Variants in KCNJ12 observed in about 807,000 individuals in gnomAD.
KCNJ12 encodes potassium inwardly rectifying channel subfamily J member 12, also known as ATP-sensitive inward rectifier potassium channel 12.
A neutral mutation model predicts 22.3 loss-of-function variants in KCNJ12; 2 were observed. That is an observed-to-expected ratio of 0.09 (90% CI 0.04 to 0.28). KCNJ12 has a LOEUF of 0.28. Among genes scored for constraint, KCNJ12 ranks in the 10% least tolerant of loss-of-function variants. KCNJ12 has a pLI of 1.00. For missense variants in KCNJ12, 155 were observed against 633.3 expected, an observed-to-expected ratio of 0.24 and a Z score of 8.11; for synonymous variants, 117 against 261.4, an observed-to-expected ratio of 0.45 and a Z score of 5.33.
chr17:21,383,415 T>C (rs1597553711), intron 1 of KCNJ12, among the ~76,000 whole-genome samples: 1 of 151,572 alleles, frequency 6.6e-6, no homozygotes, highest in Non-Finnish European at 1.5e-5. Context: ...CCAGAGAGGG[T>C]CCAGGGGAGC....
At chr17:21,401,288 C>T (rs1905610483) in intron 1 of KCNJ12, among the ~76,000 whole-genome samples, 3 of 152,240 alleles carry the variant, frequency 2.0e-5, no homozygotes, top group South Asian at 2.1e-4. Flanking sequence ...GGGTTGGCTG[C>T]ATCCCCAGGC....
chr17:21,390,515 C>T (rs782708342), intron 1 of KCNJ12, among the ~76,000 whole-genome samples: 25 of 152,086 alleles, frequency 1.6e-4, no homozygotes, highest in Middle Eastern at 3.2e-3. Context: ...GAAGCGGGGC[C>T]GGTGGCCAGA....
At chr17:21,412,032 A>T (rs1202377211) in intron 2 of KCNJ12, among the ~76,000 whole-genome samples, 4 of 152,064 alleles carry the variant, frequency 2.6e-5, no homozygotes, top group Admixed American at 6.5e-5. Flanking sequence ...TCTCTCTCAC[A>T]CACACACACA....
At chr17:21,402,524 G>A (rs1905680876) in intron 1 of KCNJ12, among the ~76,000 whole-genome samples, 1 of 152,308 alleles carries the variant, frequency 6.6e-6, no homozygotes, top group Admixed American at 6.5e-5. Context: ...GGGGCCTGGG[G>A]CAGAGCGATA....
chr17:21,384,648 T>C (rs1310797189), intron 1 of KCNJ12, among the ~76,000 whole-genome samples: 6 of 152,052 alleles, frequency 3.9e-5, no homozygotes, highest in African/African-American at 1.4e-4. Context: ...CTTTAGCCTC[T>C]CTTCTTCCCT....
At chr17:21,408,118 G>A (rs1906090457) in intron 1 of KCNJ12, among the ~76,000 whole-genome samples, 1 of 152,310 alleles carries the variant, frequency 6.6e-6, no homozygotes, top group South Asian at 2.1e-4. Flanking sequence ...TACAGGCTGA[G>A]GGCCTGAATT....
chr17:21,398,994 T>C (rs1292921437), intron 1 of KCNJ12, among the ~76,000 whole-genome samples: 2 of 152,192 alleles, frequency 1.3e-5, no homozygotes, highest in African/African-American at 4.8e-5. Flanking sequence ...ATGTGTGCCT[T>C]AGGGGTGGAG....
rs1169474669 is a variant in KCNJ12, at chr17:21,408,629, A to T, written c.-68A>T. ...CACTCAGCACCATTACATAGAAGAT[A>T]GAACTCAAGAGGTAAGAGTGAAGTC... On this transcript the variant is annotated 5_prime_UTR_variant, in exon 2 of 3. Coordinates refer to ENST00000583088, the MANE Select transcript of KCNJ12 (RefSeq NM_021012.5). The T allele has an allele frequency of 6.6e-6, 1 of 152,542 alleles. No homozygotes were observed. Among genetic ancestry groups the T allele is most frequent in the Admixed American group, 6.5e-5 (1 of 15,294 alleles). The allele number at this position is 152,542 out of a possible 1,614,324, so 9.4% of individuals were successfully genotyped here.
intron 1 of KCNJ12, among the ~76,000 whole-genome samples, chr17:21,381,440 T>C (rs1266078223): frequency 1.1e-4 from 17 of 152,050 alleles, no homozygotes; most frequent in African/African-American, 4.1e-4. Flanking sequence ...CTCAGGGCCC[T>C]GCACAGTCTG....
intron 1 of KCNJ12, chr17:21,405,061 T>C (rs1290804559): frequency 1.3e-5 from 2 of 152,822 alleles, no homozygotes; most frequent in African/African-American, 4.8e-5. Flanking sequence ...ATCCCGAGCA[T>C]GGAACAGCGA....
At chr17:21,384,778 T>G (rs1428910669) in intron 1 of KCNJ12, among the ~76,000 whole-genome samples, 4 of 149,540 alleles carry the variant, frequency 2.7e-5, no homozygotes, top group African/African-American at 9.8e-5. Flanking sequence ...TTGTTTTTTT[T>G]TTTTTTTGTT....
chr17:21,417,571 A>G lies in KCNJ12; in HGVS notation c.*927A>G, dbSNP rs1906921588. ...CCACAGTGAGGGGTGGTTAGGAGCT[A>G]TAGGCCGGGATGGCTCCTTGGGAAG... On this transcript the variant is annotated 3_prime_UTR_variant, in exon 3 of 3. Coordinates refer to ENST00000583088, the MANE Select transcript of KCNJ12 (RefSeq NM_021012.5). 2 of 167,266 alleles carry G rather than the reference A, an allele frequency of 1.2e-5. No individual in the cohort carries two copies. Among genetic ancestry groups the G allele is most frequent in the African/African-American group, 2.4e-5 (1 of 41,460 alleles). The allele number at this position is 167,266 out of a possible 1,614,324, so 10.4% of individuals were successfully genotyped here.
intron 1 of KCNJ12, among the ~76,000 whole-genome samples, chr17:21,406,760 C>T (rs1905965651): frequency 1.3e-5 from 2 of 152,308 alleles, no homozygotes; most frequent in African/African-American, 4.8e-5. Flanking sequence ...CAACATTTGC[C>T]TTAATTCCAG....
intron 1 of KCNJ12, among the ~76,000 whole-genome samples, chr17:21,402,750 G>T (rs1905699169): frequency 6.6e-6 from 1 of 152,306 alleles, no homozygotes; most frequent in African/African-American, 2.4e-5. Context: ...AGGTTATGGG[G>T]GGCTGAGGCC....
At chr17:21,403,429 G>A (rs1420604432) in intron 1 of KCNJ12, among the ~76,000 whole-genome samples, 1 of 152,280 alleles carries the variant, frequency 6.6e-6, no homozygotes, top group Non-Finnish European at 1.5e-5. Flanking sequence ...TCCTTTGGTG[G>A]TCTTTCTGGT....
At chr17:21,407,269 T>A (rs1380277066) in intron 1 of KCNJ12, among the ~76,000 whole-genome samples, 2 of 150,216 alleles carry the variant, frequency 1.3e-5, no homozygotes, top group Non-Finnish European at 3.0e-5. Context: ...TCCATTCATT[T>A]CTCTACCCAC....
chr17:21,402,995 C>T (rs1322802526), intron 1 of KCNJ12, among the ~76,000 whole-genome samples: 3 of 152,302 alleles, frequency 2.0e-5, no homozygotes, highest in African/African-American at 4.8e-5. Context: ...GCCACCCCAC[C>T]TGGGACTTCT....
intron 1 of KCNJ12, among the ~76,000 whole-genome samples, chr17:21,407,010 G>C (rs1428498586): frequency 6.6e-6 from 1 of 152,276 alleles, no homozygotes; most frequent in African/African-American, 2.4e-5. Flanking sequence ...GGACCATGTA[G>C]GATGTATGTG....
chr17:21,381,074 A>G (rs1463461602), intron 1 of KCNJ12, among the ~76,000 whole-genome samples: 4 of 152,020 alleles, frequency 2.6e-5, no homozygotes, highest in Non-Finnish European at 5.9e-5. Context: ...AGGAGTGGGA[A>G]CCCCTTTCTC....
Sources: gnomAD v4.1 joint callset for allele counts (sites outside exome capture counted in the v4.1 genomes callset) on GRCh38, gnomAD v4.1.1 for gene constraint, MANE v1.5 for transcripts, NCBI Gene and HGNC (gene_info 2026-07-23, HGNC 2026-07-21) for gene names.